Variants in NTM observed in about 807,000 individuals in gnomAD.
NTM encodes neurotrimin.
NTM carries 13 observed loss-of-function variants against 42.1 expected under a neutral mutation model. That is an observed-to-expected ratio of 0.31 (90% CI 0.20 to 0.49). The LOEUF (loss-of-function observed/expected upper bound fraction) is 0.49, where lower values mean the gene tolerates loss of function less well. Among genes scored for constraint, NTM ranks in the 20% least tolerant of loss-of-function variants. The pLI is 0.99. For missense variants in NTM, 373 were observed against 452.8 expected, an observed-to-expected ratio of 0.82 and a Z score of 1.60; for synonymous variants, 187 against 179.2, an observed-to-expected ratio of 1.04 and a Z score of -0.35.
At chr11:131,692,914 C>G (rs1309726006) in intron 1 of NTM, among the ~76,000 whole-genome samples, 1 of 152,158 alleles carries the variant, frequency 6.6e-6, no homozygotes, top group Admixed American at 6.5e-5. Flanking sequence ...ATGCTTCAGC[C>G]AAGAAATCGC....
At chr11:132,189,535 G>A (rs550183222) in intron 3 of NTM, among the ~76,000 whole-genome samples, 22 of 152,228 alleles carry the variant, frequency 1.4e-4, no homozygotes, top group South Asian at 8.3e-4. Flanking sequence ...AGAAGGAACC[G>A]AACTTGGACT....
intron 1 of NTM, among the ~76,000 whole-genome samples, chr11:131,524,267 A>G (rs1174232837): frequency 6.6e-6 from 1 of 152,190 alleles, no homozygotes; most frequent in Non-Finnish European, 1.5e-5. Context: ...AGATGTTTCT[A>G]CACGATCTTT....
intron 1 of NTM, among the ~76,000 whole-genome samples, chr11:131,735,307 CTTCTATGCTCGCTTATAGGTTT>C (rs2080271555): frequency 1.3e-5 from 2 of 152,208 alleles, no homozygotes; most frequent in African/African-American, 2.4e-5. Flanking sequence ...TTTCCCCCAT[CTTCTATGCTCGCTTATAGGTTT>C]TGACCCTCAG....
At chr11:131,999,796 G>A (rs1167909231) in intron 2 of NTM, among the ~76,000 whole-genome samples, 1 of 152,112 alleles carries the variant, frequency 6.6e-6, no homozygotes, top group East Asian at 1.9e-4. Context: ...TATCAACTGT[G>A]GCTGATCAAA....
At chr11:131,604,927 C>T (rs1280802321) in intron 1 of NTM, among the ~76,000 whole-genome samples, 2 of 151,286 alleles carry the variant, frequency 1.3e-5, no homozygotes, top group African/African-American at 4.8e-5. Context: ...TATATGTCTG[C>T]CTTTATGTCA....
chr11:131,637,654 TCTCTG>T (rs1298612007), intron 1 of NTM, among the ~76,000 whole-genome samples: 1 of 151,846 alleles, frequency 6.6e-6, no homozygotes, highest in Admixed American at 6.6e-5. Context: ...TATCTGCTCA[TCTCTG>T]CTCCCGTTCC....
At chr11:132,142,963 G>A (rs561207171) in intron 2 of NTM, among the ~76,000 whole-genome samples, 196 of 152,192 alleles carry the variant, frequency 1.3e-3, no homozygotes, top group African/African-American at 4.5e-3. Context: ...CCTCGTTGTG[G>A]GCATCAAAAA....
chr11:132,215,609 G>A (rs1000811013), intron 4 of NTM, among the ~76,000 whole-genome samples: 2 of 152,218 alleles, frequency 1.3e-5, no homozygotes, highest in Non-Finnish European at 2.9e-5. Flanking sequence ...AGTTGTGCAT[G>A]TCCAGTACAG....
At chr11:132,241,604 T>A (rs962419154) in intron 4 of NTM, among the ~76,000 whole-genome samples, 6 of 152,238 alleles carry the variant, frequency 3.9e-5, no homozygotes, top group African/African-American at 1.2e-4. Context: ...TGTCCAGGCA[T>A]GCTCACCTCT....
At chr11:131,856,198 T>C (rs1387751768) in intron 1 of NTM, among the ~76,000 whole-genome samples, 1 of 152,112 alleles carries the variant, frequency 6.6e-6, no homozygotes, top group East Asian at 1.9e-4. Context: ...CAGCTTACAA[T>C]GCTAATTTTT....
At chr11:131,542,588 A>C (rs1025986088) in intron 1 of NTM, among the ~76,000 whole-genome samples, 4 of 152,094 alleles carry the variant, frequency 2.6e-5, no homozygotes, top group Admixed American at 6.5e-5. Context: ...TCCTTTCCTC[A>C]AATTCCCAGC....
At chr11:131,552,690 C>T (rs900605009) in intron 1 of NTM, among the ~76,000 whole-genome samples, 7 of 151,372 alleles carry the variant, frequency 4.6e-5, no homozygotes, top group Admixed American at 6.6e-5. Flanking sequence ...TGGTGGCGGG[C>T]GCCTGTAGTC....
intron 2 of NTM, among the ~76,000 whole-genome samples, chr11:131,931,712 C>A (rs2134096067): frequency 6.6e-6 from 1 of 152,226 alleles, no homozygotes; most frequent in South Asian, 2.1e-4. Flanking sequence ...TGAGAAGGAG[C>A]CACTGCTGGT....
chr11:132,174,364 C>G (rs936417583), intron 3 of NTM, among the ~76,000 whole-genome samples: 1 of 152,188 alleles, frequency 6.6e-6, no homozygotes. Flanking sequence ...CTTCTATAAA[C>G]TAATGACCCC....
chr11:131,470,190 C>T (rs1056278417), intron 1 of NTM, among the ~76,000 whole-genome samples: 1 of 152,140 alleles, frequency 6.6e-6, no homozygotes, highest in Non-Finnish European at 1.5e-5. Flanking sequence ...ACCTGTTCTG[C>T]TATTAGCCCG....
At chr11:132,122,779 C>T (rs954351149) in intron 2 of NTM, among the ~76,000 whole-genome samples, 5 of 152,152 alleles carry the variant, frequency 3.3e-5, no homozygotes, top group South Asian at 2.1e-4. Context: ...CCTTAGTTGG[C>T]GTTTCTTTAA....
At chr11:131,763,249 T>C (rs549164569) in intron 1 of NTM, among the ~76,000 whole-genome samples, 5 of 152,358 alleles carry the variant, frequency 3.3e-5, no homozygotes, top group East Asian at 3.9e-4. Context: ...TCAAATATTT[T>C]AGTCTTTCCA....
chr11:132,107,822 G>T (rs1206714443), intron 2 of NTM, among the ~76,000 whole-genome samples: 1 of 152,044 alleles, frequency 6.6e-6, no homozygotes, highest in Non-Finnish European at 1.5e-5. Flanking sequence ...AGCTCTGCAT[G>T]GTGCACTACA....
chr11:132,266,374 T>C (rs1279269958), intron 4 of NTM, among the ~76,000 whole-genome samples: 1 of 152,170 alleles, frequency 6.6e-6, no homozygotes, highest in Admixed American at 6.5e-5. Context: ...GGATCTGTCC[T>C]AGTAGTGGCA....
Sources: gnomAD v4.1 joint callset for allele counts (sites outside exome capture counted in the v4.1 genomes callset) on GRCh38, gnomAD v4.1.1 for gene constraint, MANE v1.5 for transcripts, NCBI Gene and HGNC (gene_info 2026-07-23, HGNC 2026-07-21) for gene names.